Variants in FOXN3 observed in about 807,000 individuals in gnomAD.
FOXN3 encodes the protein forkhead box N3.
In FOXN3, 7 loss-of-function variants were observed where a neutral mutation model predicts 38.4. That is an observed-to-expected ratio of 0.18 (90% CI 0.10 to 0.34). The LOEUF is 0.34. Ranked by LOEUF, FOXN3 falls within the 10% of genes least tolerant of loss-of-function variation. The pLI, the probability that FOXN3 is intolerant of heterozygous loss-of-function variation, is 1.00. For synonymous variants in FOXN3, 230 were observed against 242.2 expected, an observed-to-expected ratio of 0.95 and a Z score of 0.47; for missense variants, 456 against 613.4, an observed-to-expected ratio of 0.74 and a Z score of 2.71.
At chr14:89,259,078 T>C (rs1157811728) in intron 4 of FOXN3, among the ~76,000 whole-genome samples, 39 of 152,228 alleles carry the variant, frequency 2.6e-4, no homozygotes, top group Admixed American at 2.5e-3. Flanking sequence ...AGACTACAGA[T>C]TCTGGGCCGG....
At chr14:89,250,715 T>C (rs553872155) in intron 4 of FOXN3, among the ~76,000 whole-genome samples, 25 of 152,302 alleles carry the variant, frequency 1.6e-4, no homozygotes, top group African/African-American at 5.3e-4. Flanking sequence ...AAATCTCGAA[T>C]TGTAGTTCCC....
chr14:89,241,620 G>A (rs1437382445), intron 4 of FOXN3, among the ~76,000 whole-genome samples: 2 of 152,164 alleles, frequency 1.3e-5, no homozygotes, highest in African/African-American at 2.4e-5. Flanking sequence ...AACAGTAACT[G>A]GAGTTGTTCA....
At chr14:89,287,494 T>A (rs1469002066) in intron 3 of FOXN3, among the ~76,000 whole-genome samples, 1 of 152,076 alleles carries the variant, frequency 6.6e-6, no homozygotes, top group African/African-American at 2.4e-5. Context: ...CAGAGTTAAC[T>A]GACACACTCA....
chr14:89,497,607 T>C (rs1356618723), intron 1 of FOXN3, among the ~76,000 whole-genome samples: 5 of 151,628 alleles, frequency 3.3e-5, no homozygotes, highest in African/African-American at 1.2e-4. Flanking sequence ...GGTTTCTCCA[T>C]GTTGAGGCTG....
At chr14:89,464,918 G>A (rs1019265768) in intron 1 of FOXN3, among the ~76,000 whole-genome samples, 13 of 152,050 alleles carry the variant, frequency 8.5e-5, no homozygotes, top group African/African-American at 1.2e-4. Context: ...AGCTGGTCTC[G>A]AACACCTGAC....
chr14:89,611,126 C>G (rs569999915), intron 1 of FOXN3, among the ~76,000 whole-genome samples: 1 of 152,198 alleles, frequency 6.6e-6, no homozygotes, highest in Non-Finnish European at 1.5e-5. Flanking sequence ...AAGAGCAGAG[C>G]TCTTGCTTAG....
At chr14:89,511,260 T>C (rs377211121) in intron 1 of FOXN3, among the ~76,000 whole-genome samples, 6,427 of 22,634 alleles carry the variant, frequency 0.28, 2,418 homozygotes, top group Middle Eastern at 0.57. Flanking sequence ...TCTTTCTTTC[T>C]TTCTTTCTTT....
intron 3 of FOXN3, among the ~76,000 whole-genome samples, chr14:89,287,749 T>TAAAAAAAAAAAAAAA (rs58930677): frequency 7.7e-6 from 1 of 129,704 alleles, no homozygotes; most frequent in African/African-American, 2.9e-5. Context: ...TAAAGAATGC[T>TAAAAAAAAAAAAAAA]AAAAAAAAAA....
chr14:89,301,973 T>G (rs1378287622), intron 3 of FOXN3, among the ~76,000 whole-genome samples: 1 of 152,088 alleles, frequency 6.6e-6, no homozygotes, highest in African/African-American at 2.4e-5. Context: ...TACCAACCTT[T>G]TCCTTGCTTG....
intron 4 of FOXN3, among the ~76,000 whole-genome samples, chr14:89,206,014 G>A (rs1378908877): frequency 6.6e-6 from 1 of 152,206 alleles, no homozygotes; most frequent in East Asian, 1.9e-4. Context: ...CACTATGGGA[G>A]GACACAGCAA....
intron 4 of FOXN3, among the ~76,000 whole-genome samples, chr14:89,244,541 C>T (rs746057745): frequency 1.3e-5 from 2 of 152,152 alleles, no homozygotes; most frequent in Non-Finnish European, 2.9e-5. Context: ...TGGGCATATG[C>T]TAATATCAAA....
intron 1 of FOXN3, among the ~76,000 whole-genome samples, chr14:89,432,576 G>A (rs1186798515): frequency 6.6e-6 from 1 of 152,144 alleles, no homozygotes; most frequent in African/African-American, 2.4e-5. Flanking sequence ...GCTTCAAGAA[G>A]CTCACTCATT....
rs531417646 is a variant in FOXN3, at chr14:89,599,707, C to T, written c.-15+19321G>A. Among the ~76,000 whole-genome samples the T allele has an allele frequency of 4.6e-5, 7 of 152,262 alleles. No individual in the cohort carries two copies. In the South Asian group the frequency reaches 1.2e-3, roughly 27 times the overall value. On this transcript the variant is annotated intron_variant, in intron 1 of 6. Transcript: ENST00000345097. The stretch of plus-strand genomic sequence containing the variant: ...CCTCCAAAGAGAATTTTTATTCTGG[C>T]TTCAGGCAGACATCTAGGCTAGGGG...
intron 3 of FOXN3, among the ~76,000 whole-genome samples, chr14:89,311,471 CAAAAAAAAAAAAA>C (rs34367113): frequency 1.5e-5 from 1 of 66,044 alleles, no homozygotes; most frequent in African/African-American, 5.8e-5. Context: ...GACTCGGCCT[CAAAAAAAAAAAAA>C]AAAAAAAAAG....
At chr14:89,531,041 CATTT>C (rs978933711) in intron 1 of FOXN3, among the ~76,000 whole-genome samples, 12 of 146,724 alleles carry the variant, frequency 8.2e-5, no homozygotes, top group South Asian at 2.1e-4. Context: ...AATATATACA[CATTT>C]ATTATATATA....
rs1886874920 is a variant in FOXN3 at position 89,291,583 on chromosome 14, C to A, written c.681-10569G>T. ...ACTCCAGTCTTTCCAGCAGTCCCTA[C>A]ATGTCTGCCATTCTGCTTTGCTGCC... On this transcript the variant is annotated intron_variant, in intron 3 of 5. Coordinates refer to ENST00000557258, the MANE Select transcript of FOXN3 (RefSeq NM_005197.4). 7.5e-6 allele frequency: 4 copies of A among 533,888 alleles called. No homozygotes were observed. In the East Asian group the frequency reaches 2.0e-4, roughly 26 times the overall value. The allele number at this position is 533,888 out of a possible 1,614,324, so 33.1% of individuals were successfully genotyped here.
chr14:89,506,327 G>A (rs1893934411), intron 1 of FOXN3, among the ~76,000 whole-genome samples: 1 of 68,296 alleles, frequency 1.5e-5, no homozygotes, highest in Non-Finnish European at 4.1e-5. Context: ...AGGGAGGTGG[G>A]GGGGTCAGCC....
intron 4 of FOXN3, among the ~76,000 whole-genome samples, chr14:89,246,104 G>GA (rs371417639): frequency 6.5e-4 from 99 of 151,646 alleles, no homozygotes; most frequent in African/African-American, 2.1e-3. Context: ...ACAACTCTGC[G>GA]AAAAAAAACC....
intron 1 of FOXN3, among the ~76,000 whole-genome samples, chr14:89,483,848 T>A (rs1458063379): frequency 1.3e-5 from 2 of 152,224 alleles, no homozygotes; most frequent in Non-Finnish European, 2.9e-5. Context: ...ATTGCCAAGA[T>A]TAAATGCCAT....
Sources: allele counts gnomAD v4.1 joint callset (sites outside exome capture counted in the v4.1 genomes callset), GRCh38; gene constraint gnomAD v4.1.1; transcripts MANE v1.5; gene names NCBI Gene and HGNC (gene_info 2026-07-23, HGNC 2026-07-21).